The following PTPN12 variants were observed in gnomAD, a reference collection of about 807,000 sequenced individuals.
PTPN12 encodes protein tyrosine phosphatase non-receptor type 12.
PTPN12 carries 29 observed loss-of-function variants against 97.6 expected under a neutral mutation model. The observed-to-expected ratio is 0.30, with a 90% CI of 0.22 to 0.41. The LOEUF (loss-of-function observed/expected upper bound fraction) is 0.41, where lower values mean the gene tolerates loss of function less well. Ranked by LOEUF, PTPN12 falls within the 10% of genes least tolerant of loss-of-function variation. The pLI is 1.00. For synonymous variants in PTPN12, 327 were observed against 300.4 expected, an observed-to-expected ratio of 1.09 and a Z score of -0.91; for missense variants, 819 against 926.0, an observed-to-expected ratio of 0.88 and a Z score of 1.50.
rs763881878 is a variant in PTPN12 at position 77,627,530 on chromosome 7, G to A, written c.1851G>A (p.Val617=). ...ATGAAAGAAACTCTGATGGTGCTGT[G>A]ACCCAGAATAAAACTAATATTTCAA... ...DSDERNSDGA[V]TQNKTNISTA... Residue 617 remains valine, a synonymous_variant, in exon 13 of 18, where the codon GTG becomes GTA. Transcript: ENST00000248594. The A allele has an allele frequency of 6.2e-7, 1 of 1,614,074 alleles. No individual in the cohort carries two copies. Among genetic ancestry groups the A allele is most frequent in the Non-Finnish European group, 8.5e-7 (1 of 1,180,010 alleles).
intron 1 of PTPN12, among the ~76,000 whole-genome samples, chr7:77,540,236 TTTCTTTC>T (rs1485700794): frequency 8.5e-5 from 12 of 141,656 alleles, no homozygotes; most frequent in East Asian, 3.9e-4. Flanking sequence ...TCTTTCTTTC[TTTCTTTC>T]TTTTTTTTTT....
chr7:77,627,745 G>A (rs2151396779), intron 13 of PTPN12, 70 bp downstream of exon 13: 3 of 1,386,238 alleles, frequency 2.2e-6, no homozygotes, highest in Non-Finnish European at 2.8e-6. Context: ...CACTTTAGCT[G>A]TATTGATTTA....
At chr7:77,552,291 T>C (rs1289357861) in intron 1 of PTPN12, among the ~76,000 whole-genome samples, 1 of 145,636 alleles carries the variant, frequency 6.9e-6, no homozygotes, top group Non-Finnish European at 1.5e-5. Flanking sequence ...TGGATTACTT[T>C]TAAAGTATGT....
intron 1 of PTPN12, among the ~76,000 whole-genome samples, chr7:77,561,273 T>G (rs921665249): frequency 1.3e-5 from 2 of 152,168 alleles, no homozygotes; most frequent in Non-Finnish European, 2.9e-5. Flanking sequence ...AGTGGATTGC[T>G]AAGTCATACA....
In PTPN12 at chr7:77,573,105, C is replaced by CAAAAAACAAAAA. The variant is rs1787213816; in HGVS notation, c.208+1925_208+1926insCAAAAAAAAAAA. ...CTCAAAAAAAAAAAAAACAAAAAAA[C>CAAAAAACAAAAA]AAAAAAAACCAGTGTACCTAGCACA... On this transcript the variant is annotated intron_variant, in intron 2 of 17. Coordinates refer to ENST00000248594, the MANE Select transcript of PTPN12 (RefSeq NM_002835.4). Among the ~76,000 whole-genome samples, 12 of 47,856 alleles carry CAAAAAACAAAAA rather than the reference C, an allele frequency of 2.5e-4. 2 individuals are homozygous for CAAAAAACAAAAA. The East Asian group carries it at 4.0e-3, about 16-fold the overall frequency. The allele number at this position is 47,856 out of a possible 152,430, so 31.4% of individuals were successfully genotyped here.
intron 2 of PTPN12, among the ~76,000 whole-genome samples, chr7:77,579,201 A>C (rs1309322982): frequency 1.3e-5 from 2 of 152,120 alleles, no homozygotes; most frequent in African/African-American, 4.8e-5. Context: ...GGCTTACCAC[A>C]ACCTCCGCTT....
chr7:77,569,597 G>A (rs373162402), intron 1 of PTPN12, among the ~76,000 whole-genome samples: 5 of 151,960 alleles, frequency 3.3e-5, no homozygotes, highest in East Asian at 1.9e-4. Flanking sequence ...ATAGTGAAAC[G>A]CTGTCTCTAC....
At chr7:77,604,489 C>A (rs937693171) in intron 8 of PTPN12, among the ~76,000 whole-genome samples, 1 of 152,108 alleles carries the variant, frequency 6.6e-6, no homozygotes, top group African/African-American at 2.4e-5. Context: ...GCTGGGATTA[C>A]AGGCGTGAAC....
chr7:77,587,772 A>T (rs989016579), intron 5 of PTPN12, among the ~76,000 whole-genome samples: 1 of 152,226 alleles, frequency 6.6e-6, no homozygotes, highest in African/African-American at 2.4e-5. Context: ...CATTTAGTAT[A>T]GCTTGTTTCA....
rs372528657 is a variant in PTPN12 at position 77,571,083 on chromosome 7, A to G, written c.105A>G (p.Leu35=). 9.6e-6 allele frequency: 15 copies of G among 1,558,920 alleles called. No individual in the cohort carries two copies. Among genetic ancestry groups the G allele is most frequent in the Non-Finnish European group, 1.2e-5 (14 of 1,152,868 alleles). The change falls in exon 2 of 18, where the codon TTA becomes TTG. Residue 35 remains leucine (L), a synonymous_variant. Transcript: ENST00000248594. ...EDNFARDFMR[L]RRLSTKYRTE... ...TTTATTTGTTGTATTTTAAGCGGTT[A>G]AGAAGATTGTCTACCAAATATAGAA...
rs1173619635 is a variant in PTPN12 at position 77,575,318 on chromosome 7, AAC to A, written c.208+4141_208+4142del. On this transcript the variant is annotated intron_variant, in intron 2 of 17. Coordinates refer to ENST00000248594, the MANE Select transcript of PTPN12 (RefSeq NM_002835.4). ...CAGCCTGGGCAACATAGCAAAACTC[AAC>A]ACACACACGCACGCACGCACGCACA... Among the ~76,000 whole-genome samples, 4 of 146,058 alleles carry A rather than the reference AAC, an allele frequency of 2.7e-5. 1 individual carries two copies. Among genetic ancestry groups the A allele is most frequent in the African/African-American group, 7.4e-5 (3 of 40,436 alleles).
intron 12 of PTPN12, among the ~76,000 whole-genome samples, chr7:77,623,349 C>T (rs1157269816): frequency 6.6e-6 from 1 of 152,178 alleles, no homozygotes; most frequent in African/African-American, 2.4e-5. Flanking sequence ...TTTAATTCTC[C>T]TAACTACCCT....
In PTPN12 at chr7:77,545,373, G is replaced by A. The variant is rs1457083877; in HGVS notation, c.99+7728G>A. ...GTTGTACAATCAGGAGATGTGGGCT[G>A]CACTGGAAGCATGGTTTAATTTTTA... On this transcript the variant is annotated intron_variant, in intron 1 of 17. Coordinates refer to ENST00000248594, the MANE Select transcript of PTPN12 (RefSeq NM_002835.4). 2.6e-5 allele frequency among the ~76,000 whole-genome samples: 4 copies of A among 152,068 alleles called. No homozygotes were observed. The South Asian group carries it at 8.3e-4, about 32-fold the overall frequency.
At position 77,639,514 on chromosome 7, in the gene PTPN12, C is replaced by A. The variant is rs1048192265; in HGVS notation, c.*234C>A. 2 of 465,296 alleles carry A rather than the reference C, an allele frequency of 4.3e-6. No individual in the cohort carries two copies. Among genetic ancestry groups the A allele is most frequent in the Non-Finnish European group, 3.8e-6 (1 of 263,476 alleles). 28.8% of individuals were successfully genotyped at this position (465,296 alleles called of 1,614,324 possible). A position where few individuals can be genotyped will look rare whatever the true frequency, so the allele number is the denominator to read the frequency against. On this transcript the variant is annotated 3_prime_UTR_variant, in exon 18 of 18. Transcript: ENST00000248594. ...GCCTTAATGTCTCTTAACCCTGTTA[C>A]ACGCTGCTTGTAGACATGTTAATAT... is the stretch of plus-strand genomic sequence containing the variant.
At chr7:77,610,621 C>T (rs1003414760) in intron 9 of PTPN12, 144 bp from the exon 10 acceptor site, 8 of 841,966 alleles carry the variant, frequency 9.5e-6, no homozygotes, top group Non-Finnish European at 1.5e-5. Context: ...GTGCCAAGCA[C>T]AGTGTCTGAG....
chr7:77,541,315 C>A (rs973700431), intron 1 of PTPN12, among the ~76,000 whole-genome samples: 5 of 152,182 alleles, frequency 3.3e-5, no homozygotes, highest in African/African-American at 1.2e-4. Flanking sequence ...TGGTCTCAAA[C>A]TCCTGGGCTC....
chr7:77,560,685 A>C (rs188345295), intron 1 of PTPN12, among the ~76,000 whole-genome samples: 1 of 152,214 alleles, frequency 6.6e-6, no homozygotes, highest in Admixed American at 6.5e-5. Flanking sequence ...TTCAGTTAGC[A>C]TAATGTCCTC....
chr7:77,619,942 G>A (rs1788876174), intron 12 of PTPN12, among the ~76,000 whole-genome samples: 1 of 152,044 alleles, frequency 6.6e-6, no homozygotes, highest in Non-Finnish European at 1.5e-5. Context: ...TTCCACTTTG[G>A]TATCCACCAA....
In PTPN12 at chr7:77,637,014, G is replaced by A. The variant is rs199900084; in HGVS notation, c.2143-4G>A. 666 of 1,605,994 alleles carry A rather than the reference G, an allele frequency of 4.1e-4. 1 individual carries two copies. The highest frequency in any genetic ancestry group is 4.9e-4 in the Non-Finnish European group (574 of 1,174,186). ...GTAATAGGTATTAAATGTCTTCCTC[G>A]TAGGGCTTGATAACCTCTGAAAATG... On this transcript the variant is annotated splice_polypyrimidine_tract_variant and splice_region_variant and intron_variant, in intron 15 of 17. Transcript: ENST00000248594.
Sources: allele counts gnomAD v4.1 joint callset (sites outside exome capture counted in the v4.1 genomes callset), GRCh38; gene constraint gnomAD v4.1.1; transcripts MANE v1.5; gene names NCBI Gene and HGNC (gene_info 2026-07-23, HGNC 2026-07-21).